Variants in SLC35F5 observed in about 807,000 individuals in gnomAD.
SLC35F5 encodes solute carrier family 35 member F5, also known as HCV NS5A-transactivated protein 3.
In SLC35F5, 54 loss-of-function variants were observed where a neutral mutation model predicts 68.6. That is an observed-to-expected ratio of 0.79 (90% CI 0.63 to 0.99). The LOEUF (loss-of-function observed/expected upper bound fraction) is 0.99, where lower values mean the gene tolerates loss of function less well. Among genes scored for constraint, SLC35F5 ranks in the 50% least tolerant of loss-of-function variants. SLC35F5 has a pLI of 0.00. For synonymous variants in SLC35F5, 211 were observed against 205.2 expected, an observed-to-expected ratio of 1.03 and a Z score of -0.24; for missense variants, 567 against 626.9, an observed-to-expected ratio of 0.90 and a Z score of 1.02.
At chr2:113,721,424 T>TAAAATAC (rs1687430350) in intron 13 of SLC35F5, 1 of 154,110 alleles carries the variant, frequency 6.5e-6, no homozygotes, top group African/African-American at 2.4e-5. Flanking sequence ...CATTTCCCCG[T>TAAAATAC]TTTGTCTTTA....
At chr2:113,746,034 T>A (rs1403841112) in intron 5 of SLC35F5, among the ~76,000 whole-genome samples, 1 of 152,166 alleles carries the variant, frequency 6.6e-6, no homozygotes. Context: ...TCCTTTATTA[T>A]TTTCACTCCT....
At chr2:113,754,452 T>A (rs1452702930) in intron 3 of SLC35F5, among the ~76,000 whole-genome samples, 1 of 152,188 alleles carries the variant, frequency 6.6e-6, no homozygotes, top group African/African-American at 2.4e-5. Context: ...TATATTCGCC[T>A]TAAAATTGCA....
At chr2:113,739,513 T>A (rs1688211403) in intron 7 of SLC35F5, among the ~76,000 whole-genome samples, 1 of 152,220 alleles carries the variant, frequency 6.6e-6, no homozygotes, top group Non-Finnish European at 1.5e-5. Flanking sequence ...TGATTAATAA[T>A]ATTCTGCTAT....
intron 5 of SLC35F5, among the ~76,000 whole-genome samples, chr2:113,744,411 T>C (rs2104467210): frequency 6.6e-6 from 1 of 152,350 alleles, no homozygotes; most frequent in South Asian, 2.1e-4. Context: ...GTACCAACTC[T>C]AGAGCAGTTA....
chr2:113,751,019 C>A (rs1044330526), intron 3 of SLC35F5, among the ~76,000 whole-genome samples: 13 of 152,150 alleles, frequency 8.5e-5, no homozygotes. Context: ...GTGGCGTGCA[C>A]CCTCAGTCCC....
chr2:113,715,859 G>A (rs957701166), intron 15 of SLC35F5, among the ~76,000 whole-genome samples: 6 of 151,854 alleles, frequency 4.0e-5, no homozygotes, highest in East Asian at 1.9e-4. Context: ...TTGTGTTTAC[G>A]TTTTTTTAAA....
chr2:113,702,772 CAAG>C (rs1559293444), downstream of SLC35F5, among the ~76,000 whole-genome samples: 1 of 152,034 alleles, frequency 6.6e-6, no homozygotes, highest in Non-Finnish European at 1.5e-5. Flanking sequence ...AATTAAGATA[CAAG>C]AAGAATTAAA....
At chr2:113,745,630 A>C (rs1485050126) in intron 5 of SLC35F5, among the ~76,000 whole-genome samples, 1 of 152,180 alleles carries the variant, frequency 6.6e-6, no homozygotes, top group African/African-American at 2.4e-5. Flanking sequence ...TAATTGTGCC[A>C]CTGTACTCCA....
At chr2:113,739,272 T>G (rs1435136413) in intron 7 of SLC35F5, among the ~76,000 whole-genome samples, 1 of 151,196 alleles carries the variant, frequency 6.6e-6, no homozygotes, top group East Asian at 1.9e-4. Context: ...TTAAATCATC[T>G]CTAGATTACT....
Position 113,756,567 on chromosome 2 carries a change from T to C in SLC35F5, c.-158A>G. 1.4e-6 allele frequency: 2 copies of C among 1,459,564 alleles called. No homozygotes were observed. Among genetic ancestry groups the C allele is most frequent in the Non-Finnish European group, 1.8e-6 (2 of 1,108,782 alleles). 90.4% of individuals were successfully genotyped at this position (1,459,564 alleles called of 1,614,324 possible). ...GGCTCCCGACACCACCCAACTCCAC[T>C]CGGCCCAGGAGGGCGTGGAGCGGGT... On this transcript the variant is annotated 5_prime_UTR_variant, in exon 1 of 16. Transcript: ENST00000245680.
At position 113,725,399 on chromosome 2, in the gene SLC35F5, A is replaced by C; in HGVS notation, c.1229T>G (p.Leu410Arg). Residue 410 changes from leucine to arginine, a missense_variant, in exon 12 of 16, where the codon CTC becomes CGC. Coordinates refer to ENST00000245680, the MANE Select transcript of SLC35F5 (RefSeq NM_025181.5). ...ATACCACAACCACAGGAACTCTGAG[A>C]GTACTGTTCCAATAAGGCCATTAAT... ...IIINGLIGTV[L>R]SEFLWLWGCF... 1 of 1,603,508 alleles carries C rather than the reference A, an allele frequency of 6.2e-7. No individual in the cohort carries two copies. Among genetic ancestry groups the C allele is most frequent in the Non-Finnish European group, 8.5e-7 (1 of 1,177,236 alleles).
At chr2:113,706,257 C>T (rs1039731359), downstream of SLC35F5, among the ~76,000 whole-genome samples, 1 of 152,244 alleles carries the variant, frequency 6.6e-6, no homozygotes, top group East Asian at 1.9e-4. Context: ...CTCCTGCCAC[C>T]GGGAGTCAAT....
At position 113,710,422 on chromosome 2, in the gene SLC35F5, C is replaced by CA. The variant is rs1271376072; in HGVS notation, c.*4795dup. 6.6e-6 allele frequency among the ~76,000 whole-genome samples: 1 copy of CA among 151,990 alleles called. No individual in the cohort carries two copies. The highest frequency in any genetic ancestry group is 1.5e-5 in the Non-Finnish European group (1 of 67,984). On this transcript the variant is annotated 3_prime_UTR_variant, in exon 16 of 16. Transcript: ENST00000245680. ...GCTATTCCAAGTAAGCAAATGGTGG[C>CA]AAAAACAATCTAAAGAATTGGTTTT...
intron 5 of SLC35F5, among the ~76,000 whole-genome samples, chr2:113,745,681 C>A (rs568717693): frequency 2.0e-5 from 3 of 151,702 alleles, no homozygotes; most frequent in African/African-American, 7.3e-5. Context: ...AAAAAGAAAT[C>A]TAAAAATAAA....
chr2:113,703,157 T>C (rs1340897052), downstream of SLC35F5, among the ~76,000 whole-genome samples: 1 of 150,566 alleles, frequency 6.6e-6, no homozygotes, highest in Non-Finnish European at 1.5e-5. Context: ...GTTTAATGAA[T>C]CTCTTTCTCT....
chr2:113,722,753 AGT>A (rs1687495971), intron 13 of SLC35F5, among the ~76,000 whole-genome samples: 1 of 152,248 alleles, frequency 6.6e-6, no homozygotes, highest in African/African-American at 2.4e-5. Flanking sequence ...CATTCAGCAC[AGT>A]GTTAAGGAGC....
At position 113,711,558 on chromosome 2, in the gene SLC35F5, C is replaced by G. The variant is rs6731402; in HGVS notation, c.*3660G>C. Among the ~76,000 whole-genome samples the G allele has an allele frequency of 0.47, 71,926 of 151,862 alleles. 17,774 individuals carry two copies. Among genetic ancestry groups the G allele is most frequent in the Middle Eastern group, 0.66 (195 of 294 alleles). On this transcript the variant is annotated 3_prime_UTR_variant, in exon 16 of 16. Coordinates refer to ENST00000245680, the MANE Select transcript of SLC35F5 (RefSeq NM_025181.5). ...AAAATTGCAAGTCTATGTGAAAAAT[C>G]AACCTCAATTTATCTAAATGGGATT...
chr2:113,756,628 G>A lies in SLC35F5; in HGVS notation c.-219C>T. The A allele has an allele frequency of 7.8e-7, 1 of 1,277,288 alleles. No individual in the cohort carries two copies. The highest frequency in any genetic ancestry group is 1.0e-6 in the Non-Finnish European group (1 of 971,912). 79.1% of individuals were successfully genotyped at this position (1,277,288 alleles called of 1,614,324 possible). ...GACGGCACAGTCAGCTATGGCCGCG[G>A]AGGCCCGGAGATCTGCTCTGGCCCC... On this transcript the variant is annotated 5_prime_UTR_variant, in exon 1 of 16. Transcript: ENST00000245680.
At chr2:113,734,475 T>G (rs1688012301) in intron 9 of SLC35F5, 111 bp downstream of exon 9, 3 of 644,530 alleles carry the variant, frequency 4.7e-6, no homozygotes, top group Non-Finnish European at 8.1e-6. Context: ...AGCCTTCTTT[T>G]ATCCACATCT....
Sources: gnomAD v4.1 joint callset for allele counts (sites outside exome capture counted in the v4.1 genomes callset) on GRCh38, gnomAD v4.1.1 for gene constraint, MANE v1.5 for transcripts, NCBI Gene and HGNC (gene_info 2026-07-23, HGNC 2026-07-21) for gene names.